EPS8: variants seen among roughly 807,000 people sequenced by gnomAD.
EPS8 encodes epidermal growth factor receptor kinase substrate 8.
Under a neutral mutation model 103.8 loss-of-function variants are expected in EPS8, and 42 were observed. The observed-to-expected ratio is 0.40, with a 90% CI of 0.32 to 0.52. The LOEUF is 0.52. Ranked by LOEUF, EPS8 falls within the 20% of genes least tolerant of loss-of-function variation. The pLI is 0.40. For missense variants in EPS8, 969 were observed against 1,005.1 expected, an observed-to-expected ratio of 0.96 and a Z score of 0.49; for synonymous variants, 344 against 344.6, an observed-to-expected ratio of 1.00 and a Z score of 0.02.
chr12:15,775,369 A>G (rs1460656114), intron 1 of EPS8, among the ~76,000 whole-genome samples: 1 of 152,128 alleles, frequency 6.6e-6, no homozygotes, highest in Non-Finnish European at 1.5e-5. Flanking sequence ...GTCTGATCTT[A>G]AATTGACCTT....
In EPS8 at chr12:15,624,379, T is replaced by C. The variant is rs61729666; in HGVS notation, c.2073A>G (p.Gln691=). 3,123 of 1,577,730 alleles carry C rather than the reference T, an allele frequency of 2.0e-3. 73 individuals carry two copies. In the African/African-American group the frequency reaches 0.038, roughly 19 times the overall value. The part of the protein sequence containing the change: ...DRRKSQMEEV[Q]DELIHRLTIG... ...TGGTCAGTCTGTGGATGAGTTCATC[T>C]TGCACTTCCTCCATCTGAGATTTCC... Residue 691 remains glutamine, a synonymous_variant, in exon 19 of 21, where the codon CAA becomes CAG. Coordinates refer to ENST00000281172, the MANE Select transcript of EPS8 (RefSeq NM_004447.6).
intron 1 of EPS8, among the ~76,000 whole-genome samples, chr12:15,742,512 A>G (rs892461343): frequency 9.9e-5 from 15 of 152,222 alleles, no homozygotes; most frequent in African/African-American, 3.6e-4. Flanking sequence ...AAAATCCTCA[A>G]TAAAATATTA....
At chr12:15,729,720 T>A (rs544631571) in intron 1 of EPS8, among the ~76,000 whole-genome samples, 1 of 152,238 alleles carries the variant, frequency 6.6e-6, no homozygotes, top group Non-Finnish European at 1.5e-5. Flanking sequence ...ATCTTCTCAA[T>A]GTTGGAGATT....
At chr12:15,782,319 C>T (rs535489955) in intron 1 of EPS8, among the ~76,000 whole-genome samples, 90 of 152,048 alleles carry the variant, frequency 5.9e-4, no homozygotes, top group Middle Eastern at 3.4e-3. Flanking sequence ...ACAGAGAGAT[C>T]CTGTCTCTGC....
chr12:15,723,343 T>C (rs1219682587), intron 1 of EPS8, among the ~76,000 whole-genome samples: 13 of 152,158 alleles, frequency 8.5e-5, no homozygotes, highest in Non-Finnish European at 1.6e-4. Context: ...TTCAATCTGA[T>C]AGAGGAAAAA....
intron 17 of EPS8, among the ~76,000 whole-genome samples, chr12:15,637,249 C>T (rs1222939252): frequency 6.6e-6 from 1 of 152,176 alleles, no homozygotes; most frequent in Non-Finnish European, 1.5e-5. Flanking sequence ...TCAAACTCCT[C>T]ACCTCAAGTG....
At chr12:15,703,734 T>C (rs185260193) in intron 1 of EPS8, among the ~76,000 whole-genome samples, 1 of 150,796 alleles carries the variant, frequency 6.6e-6, no homozygotes, top group East Asian at 1.9e-4. Context: ...GCAGACTAGA[T>C]CAGAGAACGA....
rs951575458 is a variant in EPS8 at position 15,760,631 on chromosome 12, A to G, written c.-22+28530T>C. 1.3e-5 allele frequency among the ~76,000 whole-genome samples: 2 copies of G among 152,140 alleles called. No individual in the cohort carries two copies. Among genetic ancestry groups the G allele is most frequent in the Admixed American group, 1.3e-4 (2 of 15,264 alleles). ...CAGGTGGGATAAATCCCACCAATAC[A>G]AGAATGGTTCAACATAAACAAATCC... On this transcript the variant is annotated intron_variant, in intron 1 of 20. Coordinates refer to ENST00000281172, the MANE Select transcript of EPS8 (RefSeq NM_004447.6). This position sits in a 1 kb window ranked among gnomAD's most constrained non-coding sequence, Gnocchi z 4.5.
rs560053308 is a variant in EPS8, at chr12:15,771,676, A to G, written c.-22+17485T>C. The stretch of plus-strand genomic sequence containing the variant: ...GGCTAGAAATTCTCCGTAGGATTGC[A>G]CTGCACTCCAGCCTGGGTAACAGAA... On this transcript the variant is annotated intron_variant, in intron 1 of 20. Coordinates refer to ENST00000281172, the MANE Select transcript of EPS8 (RefSeq NM_004447.6). The surrounding 1 kb of genome is among the most constrained non-coding windows in gnomAD (Gnocchi z 4.6). Among the ~76,000 whole-genome samples the G allele has an allele frequency of 3.3e-5, 5 of 152,106 alleles. No homozygotes were observed. In the East Asian group the frequency reaches 9.7e-4, roughly 29 times the overall value.
intron 1 of EPS8, among the ~76,000 whole-genome samples, chr12:15,720,535 T>G (rs930741807): frequency 2.0e-5 from 3 of 152,206 alleles, no homozygotes; most frequent in African/African-American, 7.2e-5. Flanking sequence ...AGAGGTCCAT[T>G]GACAGTCACA....
Position 15,725,672 on chromosome 12 carries a change from T to G in EPS8, c.-21-42700A>C, listed in dbSNP as rs12813946. Among the ~76,000 whole-genome samples, 1 of 152,126 alleles carries G rather than the reference T, an allele frequency of 6.6e-6. No homozygotes were observed. The highest frequency in any genetic ancestry group is 1.5e-5 in the Non-Finnish European group (1 of 68,026). On this transcript the variant is annotated intron_variant, in intron 1 of 20. Coordinates refer to ENST00000281172, the MANE Select transcript of EPS8 (RefSeq NM_004447.6). This position sits in a 1 kb window ranked among gnomAD's most constrained non-coding sequence, Gnocchi z 4.5. ...ACCTTGGACATTAGACCTGTAAAGA[T>G]CTCATTATCTCATTAAAAGAATCCT...
rs1946292854 is a variant in EPS8 at position 15,700,074 on chromosome 12, G to C, written c.-21-17102C>G. On this transcript the variant is annotated intron_variant, in intron 1 of 20. Coordinates refer to ENST00000281172, the MANE Select transcript of EPS8 (RefSeq NM_004447.6). The surrounding 1 kb of genome is among the most constrained non-coding windows in gnomAD (Gnocchi z 5.1). ...GGAGGCTGAGGCACAAGAATTGTTTGAACACAGGAGGCGGAAGTTGCAGTG... is the reference window on the plus strand; with the variant it reads ...GGAGGCTGAGGCACAAGAATTGTTTCAACACAGGAGGCGGAAGTTGCAGTG... 6.6e-6 allele frequency among the ~76,000 whole-genome samples: 1 copy of C among 152,302 alleles called. No individual in the cohort carries two copies. The highest frequency in any genetic ancestry group is 2.4e-5 in the African/African-American group (1 of 41,564).
intron 11 of EPS8, 123 bp downstream of exon 11, chr12:15,658,374 A>G (rs1002139430): frequency 1.8e-5 from 14 of 767,682 alleles, no homozygotes; most frequent in Non-Finnish European, 2.8e-5. Context: ...AAATCAAAAC[A>G]TACACACCCC....
rs549696015 is a variant in EPS8, at chr12:15,741,560, G to C, written c.-22+47601C>G. On this transcript the variant is annotated intron_variant, in intron 1 of 20. Coordinates refer to ENST00000281172, the MANE Select transcript of EPS8 (RefSeq NM_004447.6). ...ATTTATCGAGCCTGCCCCTGTCCCT[G>C]ACTTTGTGAGGGCAACAAAAATACT... 2.0e-5 allele frequency among the ~76,000 whole-genome samples: 3 copies of C among 152,270 alleles called. No individual in the cohort carries two copies. In the East Asian group the frequency reaches 5.8e-4, roughly 29 times the overall value.
intron 18 of EPS8, among the ~76,000 whole-genome samples, chr12:15,626,614 C>G (rs1391943608): frequency 1.7e-5 from 2 of 120,866 alleles, no homozygotes; most frequent in South Asian, 5.4e-4. Context: ...GGCAACAGAG[C>G]AAGACTCCGT....
intron 1 of EPS8, among the ~76,000 whole-genome samples, chr12:15,740,564 AAAAT>A (rs60477147): frequency 0.027 from 4,053 of 149,484 alleles, 91 homozygotes; most frequent in East Asian, 0.06. Flanking sequence ...AAAAATAATA[AAAAT>A]AAATAAATAA....
chr12:15,663,954 T>TAATAAAAA (rs1565487338), intron 8 of EPS8, among the ~76,000 whole-genome samples: 2 of 22,282 alleles, frequency 9.0e-5, no homozygotes, highest in African/African-American at 1.9e-4. Flanking sequence ...AAATAATATA[T>TAATAAAAA]ATATATATAT....
rs1160503391 is a variant in EPS8, at chr12:15,772,269, A to G, written c.-22+16892T>C. 6.6e-6 allele frequency among the ~76,000 whole-genome samples: 1 copy of G among 152,130 alleles called. No homozygotes were observed. Among genetic ancestry groups the G allele is most frequent in the Non-Finnish European group, 1.5e-5 (1 of 68,016 alleles). On this transcript the variant is annotated intron_variant, in intron 1 of 20. Coordinates refer to ENST00000281172, the MANE Select transcript of EPS8 (RefSeq NM_004447.6). The surrounding 1 kb of genome is among the most constrained non-coding windows in gnomAD (Gnocchi z 5.0). ...AGAGACAGAAAGAGATGAGGGGGCCAGAGTAAAAGCAAGAAATTAATTTTG... is the reference window on the plus strand; with the variant it reads ...AGAGACAGAAAGAGATGAGGGGGCCGGAGTAAAAGCAAGAAATTAATTTTG...
At chr12:15,644,524 C>A (rs1282093462) in intron 15 of EPS8, among the ~76,000 whole-genome samples, 2 of 152,060 alleles carry the variant, frequency 1.3e-5, no homozygotes, top group South Asian at 4.1e-4. Flanking sequence ...GAAACCCCAT[C>A]TCTACTAAAA....
Sources: gnomAD v4.1 joint callset for allele counts (sites outside exome capture counted in the v4.1 genomes callset) on GRCh38, gnomAD v4.1.1 for gene constraint, Gnocchi (gnomAD v3.1) non-coding constraint, MANE v1.5 for transcripts, NCBI Gene and HGNC (gene_info 2026-07-23, HGNC 2026-07-21) for gene names.